The following SLC35F3 variants were observed in gnomAD, a reference collection of about 807,000 sequenced individuals.
SLC35F3 encodes the protein putative thiamine transporter SLC35F3.
A neutral mutation model predicts 49.9 loss-of-function variants in SLC35F3; 25 were observed. The ratio of observed to expected loss-of-function variants is 0.50; its 90% CI spans 0.37 to 0.70. The LOEUF (loss-of-function observed/expected upper bound fraction) is 0.70. Ranked by LOEUF, SLC35F3 falls within the 30% of genes least tolerant of loss-of-function variation. The pLI is 0.00. For missense variants in SLC35F3, 525 were observed against 639.8 expected (o/e 0.82, Z 1.94); for synonymous variants, 275 against 265.4 (o/e 1.04, Z -0.35).
At chr1:234,016,221 T>C (rs1055992473) in intron 2 of SLC35F3, among the ~76,000 whole-genome samples, 5 of 152,184 alleles carry the variant, frequency 3.3e-5, no homozygotes, top group African/African-American at 1.2e-4. Context: ...GTACAGCCAC[T>C]ATGGAAAACA....
At chr1:234,056,022 T>C (rs1387831044) in intron 2 of SLC35F3, among the ~76,000 whole-genome samples, 1 of 152,170 alleles carries the variant, frequency 6.6e-6, no homozygotes, top group Admixed American at 6.5e-5. Flanking sequence ...TGTAGCTTGT[T>C]TTCTAGTTTT....
chr1:234,279,049 A>G (rs1668262325), intron 3 of SLC35F3, among the ~76,000 whole-genome samples: 1 of 152,194 alleles, frequency 6.6e-6, no homozygotes, highest in Non-Finnish European at 1.5e-5. Flanking sequence ...GTCCGAGCAC[A>G]GCTTGGTTTT....
chr1:234,270,542 T>C (rs1216926781), intron 3 of SLC35F3, among the ~76,000 whole-genome samples: 1 of 152,196 alleles, frequency 6.6e-6, no homozygotes, highest in East Asian at 1.9e-4. Flanking sequence ...GAATGCAGCT[T>C]TTAGACCACA....
intron 2 of SLC35F3, among the ~76,000 whole-genome samples, chr1:234,059,070 G>T (rs1366674507): frequency 1.3e-5 from 2 of 151,676 alleles, no homozygotes; most frequent in African/African-American, 4.8e-5. Context: ...TTTTCTTCTT[G>T]GTCAGTCTAG....
intron 3 of SLC35F3, among the ~76,000 whole-genome samples, chr1:234,268,002 C>G (rs1373214204): frequency 9.6e-6 from 1 of 104,576 alleles, no homozygotes; most frequent in South Asian, 5.3e-4. Flanking sequence ...CTCCTCACAT[C>G]CCAGACGATG....
chr1:233,964,304 A>G (rs10910318), intron 2 of SLC35F3, among the ~76,000 whole-genome samples: 11,325 of 152,238 alleles, frequency 0.074, 492 homozygotes, highest in East Asian at 0.17. Context: ...GCACACAGCC[A>G]TACGTAGAAC....
chr1:233,981,792 T>C (rs556995674), intron 2 of SLC35F3, among the ~76,000 whole-genome samples: 1 of 152,366 alleles, frequency 6.6e-6, no homozygotes, highest in South Asian at 2.1e-4. Context: ...TAGCAGTGTG[T>C]GAATGATCTC....
intron 2 of SLC35F3, among the ~76,000 whole-genome samples, chr1:234,115,025 G>T (rs1435085738): frequency 6.6e-6 from 1 of 152,084 alleles, no homozygotes; most frequent in African/African-American, 2.4e-5. Context: ...AAATAAAACG[G>T]GTCAATATGA....
intron 2 of SLC35F3, among the ~76,000 whole-genome samples, chr1:234,005,779 CAA>C (rs1572016697): frequency 6.6e-6 from 1 of 152,252 alleles, no homozygotes; most frequent in Admixed American, 6.5e-5. Context: ...CAGAGCCAGA[CAA>C]AGTGAGATTG....
chr1:234,053,488 T>A (rs1306329033), intron 2 of SLC35F3, among the ~76,000 whole-genome samples: 1 of 152,186 alleles, frequency 6.6e-6, no homozygotes, highest in Non-Finnish European at 1.5e-5. Context: ...GTTTTCTATT[T>A]CCTTGGTTGA....
intron 2 of SLC35F3, among the ~76,000 whole-genome samples, chr1:234,198,971 A>G (rs1666856287): frequency 2.0e-5 from 3 of 151,932 alleles, no homozygotes; most frequent in African/African-American, 7.3e-5. Flanking sequence ...ATAATCCCGG[A>G]ACATTGGGAG....
chr1:234,107,130 C>G (rs1425098180), intron 2 of SLC35F3, among the ~76,000 whole-genome samples: 1 of 152,212 alleles, frequency 6.6e-6, no homozygotes, highest in Non-Finnish European at 1.5e-5. Context: ...GCCACAGTCA[C>G]CTGGGCAGGG....
At chr1:233,906,448 C>T (rs1050911128) in intron 2 of SLC35F3, among the ~76,000 whole-genome samples, 1 of 152,238 alleles carries the variant, frequency 6.6e-6, no homozygotes, top group Non-Finnish European at 1.5e-5. Flanking sequence ...CTTATGTCAC[C>T]AGGACTAATT....
rs1392007927 is a variant in SLC35F3, at chr1:233,991,107, G to C, written c.283+85349G>C. ...GAGTCCTGCTTTCCATCGCTGCAGT[G>C]GTGTCAGTAACTGTGCCCTTCTTCC... On this transcript the variant is annotated intron_variant, in intron 2 of 7. Transcript: ENST00000366618. 3.3e-5 allele frequency among the ~76,000 whole-genome samples: 5 copies of C among 152,178 alleles called. No homozygotes were observed. In the East Asian group the frequency reaches 7.7e-4, roughly 23 times the overall value.
intron 2 of SLC35F3, among the ~76,000 whole-genome samples, chr1:233,956,565 T>C (rs1295599710): frequency 6.6e-6 from 1 of 152,212 alleles, no homozygotes; most frequent in Non-Finnish European, 1.5e-5. Context: ...CACATCTGCA[T>C]AGGTACTAGG....
At chr1:234,134,882 C>T (rs555994030) in intron 2 of SLC35F3, among the ~76,000 whole-genome samples, 11 of 152,228 alleles carry the variant, frequency 7.2e-5, no homozygotes, top group Non-Finnish European at 1.0e-4. Context: ...CCACCACGCC[C>T]GGATAATTTT....
intron 2 of SLC35F3, among the ~76,000 whole-genome samples, chr1:234,186,922 G>A (rs548131233): frequency 2.6e-5 from 4 of 152,116 alleles, no homozygotes; most frequent in African/African-American, 9.7e-5. Context: ...TGGTTCTGAT[G>A]TGCTCTCACT....
chr1:234,309,221 A>G lies in SLC35F3; in HGVS notation c.729A>G (p.Lys243=), dbSNP rs758361983. ...ACCTGTACTTACATGCAATAAAGAA[A>G]ATAAACACTACGGATGTCTCCGTGT... ...TNYLYLHAIK[K]INTTDVSVLF... The change falls in exon 4 of 8, where the codon AAA becomes AAG. Residue 243 remains lysine, a synonymous_variant. Coordinates refer to ENST00000366618, the MANE Select transcript of SLC35F3 (RefSeq NM_173508.4). 6.2e-7 allele frequency: 1 copy of G among 1,614,182 alleles called. No homozygotes were observed. Among genetic ancestry groups the G allele is most frequent in the Non-Finnish European group, 8.5e-7 (1 of 1,180,026 alleles).
chr1:234,275,768 A>T (rs945651714), intron 3 of SLC35F3, among the ~76,000 whole-genome samples: 1 of 128,648 alleles, frequency 7.8e-6, no homozygotes, highest in Admixed American at 7.7e-5. Flanking sequence ...AAAAAAATAT[A>T]TATATATATA....
Sources: gnomAD v4.1 joint callset for allele counts (sites outside exome capture counted in the v4.1 genomes callset) on GRCh38, gnomAD v4.1.1 for gene constraint, MANE v1.5 for transcripts, NCBI Gene and HGNC (gene_info 2026-07-23, HGNC 2026-07-21) for gene names.